The following CACNA1B variants were observed in gnomAD, a reference collection of about 807,000 sequenced individuals.
CACNA1B encodes the protein calcium voltage-gated channel subunit alpha1 B.
Under a neutral mutation model 247.2 loss-of-function variants are expected in CACNA1B, and 70 were observed. The observed-to-expected ratio is 0.28, with a 90% CI of 0.23 to 0.35. The LOEUF (loss-of-function observed/expected upper bound fraction) is 0.35. Ranked by LOEUF, CACNA1B falls within the 10% of genes least tolerant of loss-of-function variation. CACNA1B has a pLI of 1.00. For synonymous variants in CACNA1B, 1,231 were observed against 1,294.4 expected (o/e 0.95, Z 1.05); for missense variants, 2,367 against 3,197.4 (o/e 0.74, Z 6.26).
chr9:137,888,125 C>T lies in CACNA1B; in HGVS notation c.530+5242C>T, dbSNP rs376164423. ...GACGGTAGGGAAGGAGAGTGGGAGC[C>T]GGAAGCAGTGATCCAGGTGGGAGTG... On this transcript the variant is annotated intron_variant, in intron 3 of 46. Transcript: ENST00000371372. The surrounding 1 kb of genome is among the most constrained non-coding windows in gnomAD (Gnocchi z 4.7). Among the ~76,000 whole-genome samples, 7 of 151,650 alleles carry T rather than the reference C, an allele frequency of 4.6e-5. No individual in the cohort carries two copies. Among genetic ancestry groups the T allele is most frequent in the Non-Finnish European group, 7.4e-5 (5 of 67,878 alleles).
At chr9:137,945,684 T>A (rs1957787510) in intron 6 of CACNA1B, among the ~76,000 whole-genome samples, 1 of 152,230 alleles carries the variant, frequency 6.6e-6, no homozygotes, top group South Asian at 2.1e-4. Flanking sequence ...CTTAAAACAA[T>A]CCTTTAACCC....
rs1959636254 is a variant in CACNA1B at position 138,059,389 on chromosome 9, G to A, written c.4584+200G>A. Among the ~76,000 whole-genome samples the A allele has an allele frequency of 6.6e-6, 1 of 152,132 alleles. No individual in the cohort carries two copies. Among genetic ancestry groups the A allele is most frequent in the Admixed American group, 6.5e-5 (1 of 15,282 alleles). ...AGCTCTGCCCCCAGCCTAGGTCCTG[G>A]GAGGGAGGCAGGGCTGGGTTCTTCC... On this transcript the variant is annotated intron_variant, in intron 30 of 46. Coordinates refer to ENST00000371372, the MANE Select transcript of CACNA1B (RefSeq NM_000718.4). This position sits in a 1 kb window ranked among gnomAD's most constrained non-coding sequence, Gnocchi z 4.2.
rs1958875394 is a variant in CACNA1B, at chr9:138,023,401, G to A, written c.2658G>A (p.Pro886=). The part of the protein sequence containing the change: ...SGEPGAREER[P]RPHRSHSKEA... ...AGCCCGGTGCCCGGGAGGAGCGGCC[G>A]CGGCCGCACCGCAGCCACAGCAAGG... Residue 886 remains proline, a synonymous_variant, in exon 19 of 47, where the codon CCG becomes CCA. Transcript: ENST00000371372. The A allele has an allele frequency of 3.7e-6, 5 of 1,340,452 alleles. No individual in the cohort carries two copies. The highest frequency in any genetic ancestry group is 1.6e-5 in the African/African-American group (1 of 64,302). The allele number at this position is 1,340,452 out of a possible 1,614,324, so 83.0% of individuals were successfully genotyped here. A position where few individuals can be genotyped will look rare whatever the true frequency, so the allele number is the denominator to read the frequency against.
intron 20 of CACNA1B, among the ~76,000 whole-genome samples, chr9:138,038,879 T>C (rs1204485595): frequency 6.6e-6 from 1 of 152,110 alleles, no homozygotes; most frequent in East Asian, 1.9e-4. Context: ...GGCTTTTTGG[T>C]GGGCTTTTTA....
intron 10 of CACNA1B, among the ~76,000 whole-genome samples, chr9:137,961,893 T>C (rs573006206): frequency 1.3e-5 from 2 of 152,346 alleles, no homozygotes; most frequent in Admixed American, 6.5e-5. Flanking sequence ...GCTGGTCTCA[T>C]AGAATGAGTT....
At chr9:138,067,076 G>A (rs973437450) in intron 31 of CACNA1B, among the ~76,000 whole-genome samples, 6 of 152,180 alleles carry the variant, frequency 3.9e-5, no homozygotes, top group South Asian at 2.1e-4. Context: ...CGTGAATAAC[G>A]TGAAGGAGAA....
chr9:138,081,990 T>C (rs1312274779), intron 36 of CACNA1B, among the ~76,000 whole-genome samples: 3 of 151,046 alleles, frequency 2.0e-5, no homozygotes, highest in African/African-American at 4.9e-5. Flanking sequence ...TTATACCATA[T>C]ACAAAGATTA....
Position 138,023,332 on chromosome 9 carries a change from G to C in CACNA1B, c.2589G>C (p.Ala863=). Reference sequence around the variant, plus strand: ...GCGACAAGGACAAGACCCCCGCGGCGGGGGACCAGGACCGAGCAGAGGCCC... The same window carrying C: ...GCGACAAGGACAAGACCCCCGCGGCCGGGGACCAGGACCGAGCAGAGGCCC... ...RHRDKDKTPA[A]GDQDRAEAPK... is the part of the protein sequence containing the mutation. The change falls in exon 19 of 47, where the codon GCG becomes GCC. Residue 863 remains alanine (A), a synonymous_variant. Transcript: ENST00000371372. 6.7e-7 allele frequency: 1 copy of C among 1,503,174 alleles called. No homozygotes were observed. Among genetic ancestry groups the C allele is most frequent in the Non-Finnish European group, 8.8e-7 (1 of 1,134,498 alleles). 93.1% of individuals were successfully genotyped at this position (1,503,174 alleles called of 1,614,324 possible). A position where few individuals can be genotyped will look rare whatever the true frequency, so the allele number is the denominator to read the frequency against.
In CACNA1B at chr9:137,973,304, C is replaced by A. The variant is rs1958178620; in HGVS notation, c.1543+1712C>A. Among the ~76,000 whole-genome samples the A allele has an allele frequency of 6.6e-6, 1 of 152,110 alleles. No individual in the cohort carries two copies. Among genetic ancestry groups the A allele is most frequent in the South Asian group, 2.1e-4 (1 of 4,816 alleles). On this transcript the variant is annotated intron_variant, in intron 11 of 46. Transcript: ENST00000371372. The surrounding 1 kb of genome is among the most constrained non-coding windows in gnomAD (Gnocchi z 4.1). ...GAAATGTGGGCAGTGTCCCTGACAG[C>A]CGGGCTGGGCCTGAGGGAGGCTTGC...
Position 137,901,632 on chromosome 9 carries a change from A to G in CACNA1B, c.531-11548A>G, listed in dbSNP as rs75612335. ...TTTGCCAATTTGTTTTCCAAATGGG[A>G]TATATAAGTTTGTATTCCACCAGTT... On this transcript the variant is annotated intron_variant, in intron 3 of 46. Coordinates refer to ENST00000371372, the MANE Select transcript of CACNA1B (RefSeq NM_000718.4). Among the ~76,000 whole-genome samples, 1,184 of 150,564 alleles carry G rather than the reference A, an allele frequency of 7.9e-3. 9 individuals carry two copies. The highest frequency in any genetic ancestry group is 0.014 in the Middle Eastern group (4 of 288).
At position 137,914,999 on chromosome 9, in the gene CACNA1B, G is replaced by A. The variant is rs1957394674; in HGVS notation, c.775+193G>A. Among the ~76,000 whole-genome samples the A allele has an allele frequency of 1.3e-5, 2 of 152,212 alleles. No individual in the cohort carries two copies. The highest frequency in any genetic ancestry group is 6.5e-5 in the Admixed American group (1 of 15,284). On this transcript the variant is annotated intron_variant, in intron 5 of 46. Transcript: ENST00000371372. The surrounding 1 kb of genome is among the most constrained non-coding windows in gnomAD (Gnocchi z 4.3). ...TAAACACAGAAATATAATAATTATC[G>A]ATTGTAGTAACTTTTGGGAAGAAAA...
chr9:138,058,691 C>T lies in CACNA1B; in HGVS notation c.4431C>T (p.Ile1477=), dbSNP rs375005200. ...TCTCCCCGCCCTTTGAATACTTCAT[C>T]ATGGCCATGATAGCCCTCAACACTG... ...FVVSPPFEYF[I]MAMIALNTVV... The change falls in exon 29 of 47, where the codon ATC becomes ATT. Residue 1477 remains isoleucine, a synonymous_variant. Transcript: ENST00000371372. The surrounding 1 kb of genome is among the most constrained non-coding windows in gnomAD (Gnocchi z 4.7). 10 of 1,611,738 alleles carry T rather than the reference C, an allele frequency of 6.2e-6. No homozygotes were observed. The highest frequency in any genetic ancestry group is 8.5e-6 in the Non-Finnish European group (10 of 1,178,970).
In CACNA1B at chr9:137,888,736, G is replaced by A. The variant is rs1381152469; in HGVS notation, c.530+5853G>A. 4.6e-5 allele frequency among the ~76,000 whole-genome samples: 7 copies of A among 152,338 alleles called. No individual in the cohort carries two copies. Among genetic ancestry groups the A allele is most frequent in the African/African-American group, 1.7e-4 (7 of 41,582 alleles). On this transcript the variant is annotated intron_variant, in intron 3 of 46. Transcript: ENST00000371372. The surrounding 1 kb of genome is among the most constrained non-coding windows in gnomAD (Gnocchi z 4.7). ...GTCTGGTCAGCGGAGCTCAGGGGCC[G>A]AGGCACTGCTGACCCTGAGCTTCCT...
intron 39 of CACNA1B, among the ~76,000 whole-genome samples, chr9:138,110,118 CAT>C (rs148792012): frequency 5.2e-5 from 7 of 134,484 alleles, no homozygotes; most frequent in Admixed American, 1.5e-4. Flanking sequence ...TATATATATA[CAT>C]ATATATATAT....
intron 3 of CACNA1B, among the ~76,000 whole-genome samples, chr9:137,901,087 C>T (rs1056648962): frequency 1.4e-5 from 2 of 144,644 alleles, no homozygotes. Flanking sequence ...GTCCCTGTGT[C>T]TGTGTCTGTG....
intron 45 of CACNA1B, 81 bp from the exon 46 acceptor site, chr9:138,120,550 G>C: frequency 6.9e-7 from 1 of 1,438,896 alleles, no homozygotes; most frequent in Non-Finnish European, 9.2e-7. Context: ...GGCACCACCT[G>C]AATTCTGTCC....
chr9:137,923,908 T>C (rs1378155422), intron 6 of CACNA1B, among the ~76,000 whole-genome samples: 1 of 152,246 alleles, frequency 6.6e-6, no homozygotes, highest in Non-Finnish European at 1.5e-5. Context: ...TGAGCATCTT[T>C]CTGGACTTAT....
At chr9:137,961,153 G>A (rs1958017266) in intron 10 of CACNA1B, among the ~76,000 whole-genome samples, 1 of 151,630 alleles carries the variant, frequency 6.6e-6, no homozygotes, top group Admixed American at 6.6e-5. Context: ...TTATTTTTTT[G>A]TGGCAATTGC....
At chr9:138,063,818 C>A (rs1959819586) in intron 31 of CACNA1B, among the ~76,000 whole-genome samples, 1 of 152,184 alleles carries the variant, frequency 6.6e-6, no homozygotes, top group Non-Finnish European at 1.5e-5. Context: ...GAGGTGTAGA[C>A]CAACCACCCC....
Sources: allele counts gnomAD v4.1 joint callset (sites outside exome capture counted in the v4.1 genomes callset), GRCh38; gene constraint gnomAD v4.1.1; non-coding constraint Gnocchi (gnomAD v3.1); transcripts MANE v1.5; gene names NCBI Gene and HGNC (gene_info 2026-07-23, HGNC 2026-07-21).